RYR2: variants seen among roughly 807,000 people sequenced by gnomAD.
RYR2 encodes ryanodine receptor 2.
In RYR2, 227 loss-of-function variants were observed where a neutral mutation model predicts 601.1. The ratio of observed to expected loss-of-function variants is 0.38; its 90% confidence interval spans 0.34 to 0.42. The LOEUF is 0.42. RYR2 is among the 10% of genes least tolerant of loss of function. The pLI is 1.00. For synonymous variants in RYR2, 2,223 were observed against 2,175.1 expected (o/e 1.02, Z -0.61); for missense variants, 4,646 against 6,156.5 (o/e 0.75, Z 8.21).
intron 17 of RYR2, among the ~76,000 whole-genome samples, chr1:237,475,758 G>A (rs1480087278): frequency 7.2e-5 from 11 of 152,172 alleles, no homozygotes; most frequent in Admixed American, 7.2e-4. Context: ...AGTTTTTGTG[G>A]TGAAAGCACC....
At chr1:237,523,022 T>G (rs1667241039) in intron 24 of RYR2, among the ~76,000 whole-genome samples, 1 of 152,140 alleles carries the variant, frequency 6.6e-6, no homozygotes, top group Admixed American at 6.5e-5. Flanking sequence ...CAATGTTAAA[T>G]CATCAAATAA....
At chr1:237,302,830 T>A (rs1693496032) in intron 2 of RYR2, among the ~76,000 whole-genome samples, 1 of 152,244 alleles carries the variant, frequency 6.6e-6, no homozygotes, top group Non-Finnish European at 1.5e-5. Flanking sequence ...TGTTCAACAT[T>A]GCCTTAGAAT....
intron 49 of RYR2, 87 bp from the exon 50 acceptor site, chr1:237,649,790 G>A (rs1249701451): frequency 1.0e-5 from 11 of 1,094,814 alleles, no homozygotes; most frequent in Non-Finnish European, 1.5e-5. Flanking sequence ...CTTCCGGATA[G>A]TGAAATTGTA....
intron 17 of RYR2, among the ~76,000 whole-genome samples, chr1:237,474,341 G>A (rs1227141280): frequency 6.6e-6 from 1 of 151,050 alleles, no homozygotes; most frequent in Non-Finnish European, 1.5e-5. Flanking sequence ...ACCCCTACCT[G>A]TTGGGCAAGG....
chr1:237,695,314 G>A (rs1000687209), intron 63 of RYR2, among the ~76,000 whole-genome samples: 5 of 152,052 alleles, frequency 3.3e-5, no homozygotes, highest in African/African-American at 1.2e-4. Flanking sequence ...TACTTTTTAT[G>A]TTTACGTACA....
chr1:237,346,822 G>T (rs1698352051), intron 3 of RYR2, among the ~76,000 whole-genome samples: 1 of 152,152 alleles, frequency 6.6e-6, no homozygotes, highest in African/African-American at 2.4e-5. Context: ...TGCCGTTAAA[G>T]TACATAATCC....
intron 88 of RYR2, among the ~76,000 whole-genome samples, chr1:237,780,451 G>T (rs978609303): frequency 1.3e-5 from 2 of 152,242 alleles, no homozygotes; most frequent in Non-Finnish European, 2.9e-5. Flanking sequence ...TATTTAGAAA[G>T]AAAACGTCTC....
chr1:237,218,490 C>T (rs1371748475), intron 1 of RYR2, among the ~76,000 whole-genome samples: 1 of 152,124 alleles, frequency 6.6e-6, no homozygotes, highest in Non-Finnish European at 1.5e-5. Flanking sequence ...GGACAACTGA[C>T]CCAAGATGCT....
At chr1:237,397,035 C>A (rs944380611) in intron 10 of RYR2, among the ~76,000 whole-genome samples, 1 of 152,048 alleles carries the variant, frequency 6.6e-6, no homozygotes, top group African/African-American at 2.4e-5. Context: ...GAGACTGAGA[C>A]AGGTGGATCA....
rs577232399 is a variant in RYR2 at position 237,521,715 on chromosome 1, A to G, written c.2823-8712A>G. ...AGCCTGGGTGACAGAGCGAGACTCC[A>G]TCTCAAAAAGAAAAAAAAAATTAAA... On this transcript the variant is annotated intron_variant, in intron 24 of 104. Transcript: ENST00000366574. Among the ~76,000 whole-genome samples the G allele has an allele frequency of 3.5e-3, 520 of 148,924 alleles. 2 individuals carry two copies. The highest frequency in any genetic ancestry group is 0.012 in the African/African-American group (491 of 40,314).
At position 237,786,035 on chromosome 1, in the gene RYR2, G is replaced by A. The variant is rs1409192667; in HGVS notation, c.13327G>A (p.Glu4443Lys). The A allele has an allele frequency of 5.7e-6, 9 of 1,570,258 alleles. No homozygotes were observed. Among genetic ancestry groups the A allele is most frequent in the African/African-American group, 4.1e-5 (3 of 73,978 alleles). The change falls in exon 91 of 105, where the codon GAG becomes AAG. Residue 4443 changes from glutamate to lysine, a missense_variant and splice_region_variant. By Grantham distance (56) the Glu-to-Lys change is moderately conservative (BLOSUM62 1). Transcript: ENST00000366574. ...EETKSEPEKAEGEDGEKEEKA... is the reference protein window; with the variant it reads ...EETKSEPEKAKGEDGEKEEKA... Reference sequence around the variant, plus strand: ...AACCAAATCTGAACCTGAAAAAGCCGAGTATGTATAGTTTGCATATACTTT... The same window carrying A: ...AACCAAATCTGAACCTGAAAAAGCCAAGTATGTATAGTTTGCATATACTTT...
intron 103 of RYR2, among the ~76,000 whole-genome samples, chr1:237,830,931 A>T (rs1663698737): frequency 6.6e-6 from 1 of 152,134 alleles, no homozygotes; most frequent in Non-Finnish European, 1.5e-5. Flanking sequence ...AGGAATTCTT[A>T]GGCTGCTTCC....
At chr1:237,189,904 A>G (rs1209705026) in intron 1 of RYR2, among the ~76,000 whole-genome samples, 1 of 146,456 alleles carries the variant, frequency 6.8e-6, no homozygotes, top group Non-Finnish European at 1.5e-5. Context: ...ACAGAGTTTC[A>G]CTTTGTCACC....
chr1:237,827,936 CAAAAAAAAAA>C (rs58421624), intron 101 of RYR2, among the ~76,000 whole-genome samples: 335 of 69,340 alleles, frequency 4.8e-3, no homozygotes, highest in Non-Finnish European at 7.9e-3. Context: ...GACTCCGTCT[CAAAAAAAAAA>C]AAAAAAAAAA....
At chr1:237,520,215 A>C (rs1027109660) in intron 24 of RYR2, among the ~76,000 whole-genome samples, 3 of 152,152 alleles carry the variant, frequency 2.0e-5, no homozygotes, top group Non-Finnish European at 4.4e-5. Flanking sequence ...TGGCATCTTT[A>C]GGTTTTCCTT....
chr1:237,383,619 C>G (rs1030482828), intron 8 of RYR2, among the ~76,000 whole-genome samples: 4 of 151,642 alleles, frequency 2.6e-5, no homozygotes, highest in Non-Finnish European at 4.4e-5. Flanking sequence ...TTAGTAGAGA[C>G]GGGGCTTCAC....
At chr1:237,793,222 G>C (rs373273917) in intron 94 of RYR2, among the ~76,000 whole-genome samples, 3 of 152,138 alleles carry the variant, frequency 2.0e-5, no homozygotes, top group Admixed American at 1.3e-4. Context: ...CTTTCCTCCC[G>C]TTTATTCTGT....
At chr1:237,503,233 A>G in intron 21 of RYR2, 56 bp from the exon 22 acceptor site, 2 of 1,468,702 alleles carry the variant, frequency 1.4e-6, no homozygotes, top group Non-Finnish European at 1.9e-6. Context: ...TTTGTGAATT[A>G]GAAAACTTTA....
intron 98 of RYR2, among the ~76,000 whole-genome samples, chr1:237,805,344 G>T (rs1660496203): frequency 6.6e-6 from 1 of 152,104 alleles, no homozygotes; most frequent in African/African-American, 2.4e-5. Context: ...ACTTTGGGAG[G>T]CCGAGGCGGG....
Sources: allele counts gnomAD v4.1 joint callset (sites outside exome capture counted in the v4.1 genomes callset), GRCh38; gene constraint gnomAD v4.1.1; transcripts MANE v1.5; gene names NCBI Gene and HGNC (gene_info 2026-07-23, HGNC 2026-07-21).